The following FAF2 variants were observed in gnomAD, a reference collection of about 807,000 sequenced individuals.
FAF2 encodes the protein FAS-associated factor 2.
Under a neutral mutation model 62.3 loss-of-function variants are expected in FAF2, and 9 were observed. The observed-to-expected ratio is 0.14, with a 90% CI of 0.09 to 0.25. FAF2 has a LOEUF of 0.25. Among genes scored for constraint, FAF2 ranks in the 10% least tolerant of loss-of-function variants. The pLI is 1.00. For missense variants in FAF2, 368 were observed against 556.2 expected, an observed-to-expected ratio of 0.66 and a Z score of 3.40; for synonymous variants, 202 against 198.0, an observed-to-expected ratio of 1.02 and a Z score of -0.17.
intron 1 of FAF2, among the ~76,000 whole-genome samples, chr5:176,448,903 C>T (rs368931000): frequency 2.0e-5 from 3 of 152,184 alleles, no homozygotes; most frequent in East Asian, 3.9e-4. Context: ...CACATACACT[C>T]CCACAAACTG....
At chr5:176,477,330 G>A (rs1211501728) in intron 1 of FAF2, among the ~76,000 whole-genome samples, 2 of 142,510 alleles carry the variant, frequency 1.4e-5, no homozygotes, top group Non-Finnish European at 3.0e-5. Flanking sequence ...CATGTGATCC[G>A]CCCACCTCAG....
At chr5:176,454,915 G>A (rs991017689) in intron 1 of FAF2, among the ~76,000 whole-genome samples, 12 of 152,278 alleles carry the variant, frequency 7.9e-5, no homozygotes, top group Admixed American at 3.9e-4. Context: ...CTGACAAGAG[G>A]CAGTTATATT....
intron 3 of FAF2, among the ~76,000 whole-genome samples, chr5:176,486,914 A>G (rs1472050603): frequency 6.6e-6 from 1 of 152,212 alleles, no homozygotes; most frequent in Non-Finnish European, 1.5e-5. Context: ...ATAACCTGGT[A>G]TCTTGCTACT....
At position 176,486,390 on chromosome 5, in the gene FAF2, C is replaced by T. The variant is rs1166596337; in HGVS notation, c.168C>T (p.Gly56=). ...AVQDRLNEQE[G]VPSVFNPPPS... ...AGGACAGATTGAATGAGCAAGAGGG[C>T]GTACCTAGTGTTTTCAACCCACCTC... The change falls in exon 3 of 11, where the codon GGC becomes GGT. Residue 56 remains glycine, a synonymous_variant. Transcript: ENST00000261942. 4.3e-6 allele frequency: 7 copies of T among 1,614,022 alleles called. No homozygotes were observed. The highest frequency in any genetic ancestry group is 4.0e-5 in the African/African-American group (3 of 74,930).
chr5:176,504,038 C>T (rs957358490), intron 10 of FAF2, among the ~76,000 whole-genome samples: 34 of 151,072 alleles, frequency 2.3e-4, no homozygotes, highest in African/African-American at 5.6e-4. Flanking sequence ...ACCTGGGAGG[C>T]GGAGGTTACA....
chr5:176,496,251 G>A (rs1755475027), intron 7 of FAF2, among the ~76,000 whole-genome samples: 1 of 152,174 alleles, frequency 6.6e-6, no homozygotes, highest in African/African-American at 2.4e-5. Flanking sequence ...GGCTGAGGTG[G>A]GAGGGTCACT....
At chr5:176,499,108 C>T in intron 9 of FAF2, 23 bp downstream of exon 9, 1 of 1,540,806 alleles carries the variant, frequency 6.5e-7, no homozygotes, top group Non-Finnish European at 8.8e-7. Context: ...TGGCTTTACT[C>T]CCTGTGGTTC....
chr5:176,454,882 G>T (rs937993842), intron 1 of FAF2, among the ~76,000 whole-genome samples: 2 of 152,146 alleles, frequency 1.3e-5, no homozygotes, highest in Non-Finnish European at 2.9e-5. Context: ...GCACTCAAGT[G>T]TCTCACCAGT....
At chr5:176,502,754 TA>T (rs939182211) in intron 10 of FAF2, among the ~76,000 whole-genome samples, 1 of 150,268 alleles carries the variant, frequency 6.7e-6, no homozygotes, top group African/African-American at 2.4e-5. Flanking sequence ...AGCTGTTTTT[TA>T]AAAAAGAGTA....
At chr5:176,479,367 A>G (rs762732785) in intron 2 of FAF2, 111 bp downstream of exon 2, 21 of 847,158 alleles carry the variant, frequency 2.5e-5, no homozygotes, top group Non-Finnish European at 4.0e-5. Context: ...TTTCAGAATT[A>G]TGACTCTAAA....
intron 2 of FAF2, among the ~76,000 whole-genome samples, chr5:176,480,517 A>G (rs1017227540): frequency 2.6e-5 from 4 of 151,922 alleles, no homozygotes; most frequent in African/African-American, 4.8e-5. Flanking sequence ...GGCTCAAGCA[A>G]TTTTCCTGCC....
chr5:176,493,248 C>T (rs1421149895), intron 5 of FAF2, among the ~76,000 whole-genome samples: 1 of 152,208 alleles, frequency 6.6e-6, no homozygotes, highest in African/African-American at 2.4e-5. Flanking sequence ...TCAGTCTCCT[C>T]GCTGGCTGTT....
intron 8 of FAF2, among the ~76,000 whole-genome samples, chr5:176,497,297 T>A (rs57880614): frequency 0.016 from 2,423 of 152,246 alleles, 63 homozygotes; most frequent in African/African-American, 0.055. Context: ...ACATAAGTTA[T>A]GTACATTAAT....
rs1321871808 is a variant in FAF2 at position 176,507,300 on chromosome 5, C to T, written c.*350C>T. On this transcript the variant is annotated 3_prime_UTR_variant, in exon 11 of 11. Transcript: ENST00000261942. ...GGAAGGGGACATTCCCACTAGTTCT[C>T]ATTCATTCTTGCTTTTATGAAAAAT... The T allele has an allele frequency of 1.3e-5, 6 of 454,518 alleles. No homozygotes were observed. Among genetic ancestry groups the T allele is most frequent in the South Asian group, 9.4e-5 (6 of 63,980 alleles). The allele number at this position is 454,518 out of a possible 1,614,324, so 28.2% of individuals were successfully genotyped here.
chr5:176,490,178 G>A (rs1758949528), intron 4 of FAF2, among the ~76,000 whole-genome samples: 1 of 152,072 alleles, frequency 6.6e-6, no homozygotes, highest in Admixed American at 6.5e-5. Flanking sequence ...GGGCGCGGTG[G>A]CTGGTGCCTG....
At chr5:176,457,496 C>T (rs548698579) in intron 1 of FAF2, among the ~76,000 whole-genome samples, 8 of 152,070 alleles carry the variant, frequency 5.3e-5, no homozygotes, top group South Asian at 2.1e-4. Context: ...CGGCCATAAA[C>T]GTTAATTTTG....
rs774043842 is a variant in FAF2, at chr5:176,499,980, A to C, written c.1012-23A>C. ...TATTTATTTCTTGAGCTGTAGCCTC[A>C]CCTTTGCTTTGTGTCTCTGCAGAAT... On this transcript the variant is annotated intron_variant, in intron 9 of 10. Coordinates refer to ENST00000261942, the MANE Select transcript of FAF2 (RefSeq NM_014613.3). The C allele has an allele frequency of 3.7e-6, 6 of 1,613,262 alleles. No homozygotes were observed. In the African/African-American group the frequency reaches 6.7e-5, roughly 18 times the overall value.
At chr5:176,504,845 G>C (rs560156290) in intron 10 of FAF2, among the ~76,000 whole-genome samples, 3 of 151,946 alleles carry the variant, frequency 2.0e-5, no homozygotes, top group Non-Finnish European at 4.4e-5. Context: ...AACATGGCAA[G>C]GCTCTGTCTC....
chr5:176,460,663 G>A (rs1205326792), intron 1 of FAF2, among the ~76,000 whole-genome samples: 1 of 151,914 alleles, frequency 6.6e-6, no homozygotes, highest in Non-Finnish European at 1.5e-5. Flanking sequence ...CTTTTGAGAA[G>A]TGTCTGAGGC....
Sources: allele counts gnomAD v4.1 joint callset (sites outside exome capture counted in the v4.1 genomes callset), GRCh38; gene constraint gnomAD v4.1.1; transcripts MANE v1.5; gene names NCBI Gene and HGNC (gene_info 2026-07-23, HGNC 2026-07-21).